The following ACTN2 variants were observed in gnomAD, a reference collection of about 807,000 sequenced individuals.
ACTN2 encodes the protein alpha-actinin-2.
A neutral mutation model predicts 113.8 loss-of-function variants in ACTN2; 39 were observed. That is an observed-to-expected ratio of 0.34 (90% CI 0.27 to 0.45). The LOEUF is 0.45. Ranked by LOEUF, ACTN2 falls within the 20% of genes least tolerant of loss-of-function variation. ACTN2 has a pLI of 1.00. For missense variants in ACTN2, 992 were observed against 1,177.9 expected (o/e 0.84, Z 2.31); for synonymous variants, 429 against 444.1 (o/e 0.97, Z 0.43).
chr1:236,696,866 A>G (rs953551452), intron 1 of ACTN2, among the ~76,000 whole-genome samples: 1 of 152,106 alleles, frequency 6.6e-6, no homozygotes, highest in African/African-American at 2.4e-5. Flanking sequence ...GGGTTTCACC[A>G]TGTTAGCCAG....
intron 17 of ACTN2, 73 bp from the exon 18 acceptor site, chr1:236,757,413 T>C (rs1293643816): frequency 1.3e-6 from 2 of 1,592,548 alleles, no homozygotes; most frequent in African/African-American, 2.7e-5. Flanking sequence ...GGCTGTACTG[T>C]TATGAAAGTA....
intron 6 of ACTN2, among the ~76,000 whole-genome samples, chr1:236,727,975 A>T (rs550133372): frequency 6.6e-6 from 1 of 152,304 alleles, no homozygotes; most frequent in African/African-American, 2.4e-5. Context: ...AACAAGACCC[A>T]AAGTTAAGTC....
intron 19 of ACTN2, among the ~76,000 whole-genome samples, 173 bp downstream of exon 19, chr1:236,759,962 G>A (rs766724544): frequency 3.9e-5 from 6 of 152,120 alleles, no homozygotes; most frequent in Non-Finnish European, 7.3e-5. Flanking sequence ...ATAAAGTCAC[G>A]AGGCCTGGCG....
chr1:236,719,141 C>T, intron 3 of ACTN2, 128 bp downstream of exon 3: 5 of 1,313,270 alleles, frequency 3.8e-6, no homozygotes, highest in Non-Finnish European at 5.4e-6. Context: ...ATCAGGCTCT[C>T]TCTTAGGGCG....
At position 236,755,118 on chromosome 1, in the gene ACTN2, A is replaced by G. The variant is rs746456711; in HGVS notation, c.2074A>G (p.Ile692Val). The G allele has an allele frequency of 3.1e-6, 5 of 1,614,102 alleles. No individual in the cohort carries two copies. Among genetic ancestry groups the G allele is most frequent in the African/African-American group, 1.3e-5 (1 of 75,028 alleles). The change falls in exon 17 of 21, where the codon ATC becomes GTC. Residue 692 changes from isoleucine (I) to valine (V), a missense_variant. Transcript: ENST00000366578. ...EHNIINYKNN[I>V]DKLEGDHQLI... Reference sequence around the variant, plus strand: ...CAACATCATCAACTATAAGAACAACATCGACAAGCTGGAGGGAGACCATCA... The same window carrying G: ...CAACATCATCAACTATAAGAACAACGTCGACAAGCTGGAGGGAGACCATCA...
Position 236,727,973 on chromosome 1 carries a change from C to A in ACTN2, c.615+217C>A, listed in dbSNP as rs146072872. On this transcript the variant is annotated intron_variant, in intron 6 of 20. Transcript: ENST00000366578. ...CTCTTAAAATCAGGGAAAACAAGAC[C>A]CAAAGTTAAGTCATCCCTTTTTGCC... Among the ~76,000 whole-genome samples the A allele has an allele frequency of 3.4e-3, 513 of 152,210 alleles. 1 individual carries two copies. Among genetic ancestry groups the A allele is most frequent in the South Asian group, 0.01 (50 of 4,820 alleles).
At chr1:236,727,619 G>A in intron 5 of ACTN2, 59 bp from the exon 6 acceptor site, 2 of 1,574,540 alleles carry the variant, frequency 1.3e-6, no homozygotes, top group Non-Finnish European at 1.7e-6. Context: ...GAGTGCAGAT[G>A]CTGGCTGCTT....
At chr1:236,749,669 T>G (rs1659338332) in intron 14 of ACTN2, among the ~76,000 whole-genome samples, 1 of 151,962 alleles carries the variant, frequency 6.6e-6, no homozygotes. Context: ...GGTGTGGTGG[T>G]GCACGCCTGG....
rs727505174 is a variant in ACTN2, at chr1:236,759,721, C to A, written c.2302-3C>A. The A allele has an allele frequency of 1.9e-6, 3 of 1,613,892 alleles. No homozygotes were observed. The highest frequency in any genetic ancestry group is 2.5e-6 in the Non-Finnish European group (3 of 1,179,914). On this transcript the variant is annotated splice_polypyrimidine_tract_variant and splice_region_variant and intron_variant, in intron 18 of 20. Transcript: ENST00000366578. ...CTGCTCTGTCCTTTGTTTTTGCCAA[C>A]AGAGGAAGAATGGCCTGATGGATCA... is the stretch of plus-strand genomic sequence containing the variant.
chr1:236,739,238 T>C, intron 9 of ACTN2, 64 bp from the exon 10 acceptor site: 1 of 1,524,734 alleles, frequency 6.6e-7, no homozygotes, highest in Non-Finnish European at 9.1e-7. Flanking sequence ...CCTCATTTTT[T>C]TTTTTTAACT....
intron 6 of ACTN2, 44 bp from the exon 7 acceptor site, chr1:236,731,189 T>C (rs926838777): frequency 1.3e-6 from 2 of 1,492,216 alleles, no homozygotes; most frequent in Non-Finnish European, 9.4e-7. Context: ...AAGTCTTGTT[T>C]CAAAATATAT....
intron 1 of ACTN2, among the ~76,000 whole-genome samples, chr1:236,715,240 T>A (rs61831762): frequency 0.14 from 20,598 of 150,532 alleles, 1,652 homozygotes; most frequent in African/African-American, 0.21. Context: ...ATGTGCCATG[T>A]TGGTGTGCTG....
chr1:236,761,377 G>A (rs764757447), intron 20 of ACTN2, among the ~76,000 whole-genome samples: 33 of 152,184 alleles, frequency 2.2e-4, no homozygotes, highest in Non-Finnish European at 1.5e-4. Context: ...CCTGGCATTC[G>A]TGCTTGGCCT....
chr1:236,747,774 A>C lies in ACTN2; in HGVS notation c.1514A>C (p.Glu505Ala). The C allele has an allele frequency of 6.2e-7, 1 of 1,611,534 alleles. No homozygotes were observed. Among genetic ancestry groups the C allele is most frequent in the Non-Finnish European group, 8.5e-7 (1 of 1,177,834 alleles). ...ACTCAGAAGAGGAGAGAAGCCCTAGAGGTGAAGTATTGAAGCCACTTGTTG... is the reference window on the plus strand; with the variant it reads ...ACTCAGAAGAGGAGAGAAGCCCTAGCGGTGAAGTATTGAAGCCACTTGTTG... ...TLTQKRREALERMEKLLETID... is the reference protein window; with the variant it reads ...TLTQKRREALARMEKLLETID... The change falls in exon 13 of 21, where the codon GAG becomes GCG. Residue 505 changes from glutamate to alanine, a missense_variant and splice_region_variant. Transcript: ENST00000366578.
chr1:236,745,449 A>T (rs777125615), intron 12 of ACTN2, among the ~76,000 whole-genome samples: 2 of 152,208 alleles, frequency 1.3e-5, no homozygotes, highest in Non-Finnish European at 2.9e-5. Context: ...AACAAAAAAC[A>T]AAACAAAATA....
intron 1 of ACTN2, among the ~76,000 whole-genome samples, chr1:236,715,066 T>C (rs1658136285): frequency 2.0e-5 from 3 of 152,126 alleles, no homozygotes. Context: ...CTTCATTCCT[T>C]ATGGGGTAGG....
chr1:236,706,065 G>C (rs532422936), intron 1 of ACTN2, among the ~76,000 whole-genome samples: 2 of 151,666 alleles, frequency 1.3e-5, no homozygotes, highest in Non-Finnish European at 2.9e-5. Flanking sequence ...TCTATTTTTA[G>C]ATACCCTCAG....
At chr1:236,693,663 C>T (rs982897443) in intron 1 of ACTN2, among the ~76,000 whole-genome samples, 6 of 152,182 alleles carry the variant, frequency 3.9e-5, no homozygotes, top group African/African-American at 1.4e-4. Context: ...CTTCCCCTCC[C>T]TGTGTGCTCC....
In ACTN2 at chr1:236,686,519, G is replaced by T. The variant is rs995501541; in HGVS notation, c.-155G>T. ...CAGCCGGAGCTGGTGCTTCGCCCGAGACCCAGCGCCCAGGCGTGTCGCCCC... is the reference window on the plus strand; with the variant it reads ...CAGCCGGAGCTGGTGCTTCGCCCGATACCCAGCGCCCAGGCGTGTCGCCCC... On this transcript the variant is annotated 5_prime_UTR_variant, in exon 1 of 21. Coordinates refer to ENST00000366578, the MANE Select transcript of ACTN2 (RefSeq NM_001103.4). 244 of 826,780 alleles carry T rather than the reference G, an allele frequency of 3.0e-4. No homozygotes were observed. Among genetic ancestry groups the T allele is most frequent in the Middle Eastern group, 4.4e-4 (1 of 2,270 alleles). The allele number at this position is 826,780 out of a possible 1,614,324, so 51.2% of individuals were successfully genotyped here. A position where few individuals can be genotyped will look rare whatever the true frequency, so the allele number is the denominator to read the frequency against.
Sources: allele counts gnomAD v4.1 joint callset (sites outside exome capture counted in the v4.1 genomes callset), GRCh38; gene constraint gnomAD v4.1.1; transcripts MANE v1.5; gene names NCBI Gene and HGNC (gene_info 2026-07-23, HGNC 2026-07-21).